The following PDE4D variants were observed in gnomAD, a reference collection of about 807,000 sequenced individuals.
PDE4D encodes 3',5'-cyclic-AMP phosphodiesterase 4D.
A neutral mutation model predicts 87.4 loss-of-function variants in PDE4D; 24 were observed. The ratio of observed to expected loss-of-function variants is 0.27; its 90% confidence interval spans 0.20 to 0.39. The LOEUF (loss-of-function observed/expected upper bound fraction) is 0.39. Ranked by LOEUF, PDE4D falls within the 10% of genes least tolerant of loss-of-function variation. PDE4D has a pLI of 1.00. For missense variants in PDE4D, 714 were observed against 1,041.0 expected (o/e 0.69, Z 4.32); for synonymous variants, 384 against 383.2 (o/e 1.00, Z -0.02).
chr5:60,452,752 GTGA>G (rs1337075907), intron 1 of PDE4D, among the ~76,000 whole-genome samples: 1 of 152,034 alleles, frequency 6.6e-6, no homozygotes, highest in African/African-American at 2.4e-5. Flanking sequence ...AGTATTCCAG[GTGA>G]TTAAACAGAT....
chr5:59,434,114 GT>G (rs1420867565), intron 1 of PDE4D, among the ~76,000 whole-genome samples: 177 of 22,804 alleles, frequency 7.8e-3, no homozygotes, highest in African/African-American at 0.03. Context: ...TCCTAAAGAA[GT>G]CTCATCTTTA....
chr5:60,057,550 A>G (rs1175492904), intron 2 of PDE4D, among the ~76,000 whole-genome samples: 1 of 151,924 alleles, frequency 6.6e-6, no homozygotes, highest in Non-Finnish European at 1.5e-5. Flanking sequence ...TGTCTTGCAC[A>G]TAGAAAACTG....
At chr5:60,045,879 G>GT (rs964556962) in intron 2 of PDE4D, among the ~76,000 whole-genome samples, 71 of 152,000 alleles carry the variant, frequency 4.7e-4, no homozygotes, top group East Asian at 2.9e-3. Context: ...CTTTAAAGTA[G>GT]TTTTTTTTCC....
chr5:59,464,422 G>A (rs1009871548), intron 1 of PDE4D, among the ~76,000 whole-genome samples: 2 of 152,218 alleles, frequency 1.3e-5, no homozygotes, highest in African/African-American at 4.8e-5. Context: ...GCATTGAGAT[G>A]TTTATGTGTA....
intron 1 of PDE4D, among the ~76,000 whole-genome samples, chr5:59,525,508 T>C (rs1246556502): frequency 6.6e-6 from 1 of 152,206 alleles, no homozygotes; most frequent in East Asian, 1.9e-4. Context: ...CTTGTCTCAG[T>C]CGAGACTTTG....
intron 3 of PDE4D, among the ~76,000 whole-genome samples, chr5:59,915,718 T>G (rs1753965060): frequency 6.6e-6 from 1 of 152,204 alleles, no homozygotes; most frequent in African/African-American, 2.4e-5. Flanking sequence ...TTGTATTACT[T>G]TTCCCTCTCA....
rs573038316 is a variant in PDE4D, at chr5:60,340,375, C to T, written c.-90+147567G>A. On this transcript the variant is annotated intron_variant, in intron 1 of 16. Coordinates refer to the PDE4D transcript ENST00000502484. ...TGTGGAGTGGATAGTCTTCTCATCC[C>T]ATTTAAACACAGAAATATTTAAAGA... 5.3e-5 allele frequency among the ~76,000 whole-genome samples: 8 copies of T among 152,062 alleles called. No individual in the cohort carries two copies. The East Asian group carries it at 1.4e-3, about 26-fold the overall frequency.
At chr5:60,492,047 G>T (rs1009297233), upstream of PDE4D, among the ~76,000 whole-genome samples, 2 of 151,372 alleles carry the variant, frequency 1.3e-5, no homozygotes, top group Non-Finnish European at 2.9e-5. Flanking sequence ...TGGGTGCAGC[G>T]CACCAGCATG....
At chr5:60,299,482 A>G (rs953628295) in intron 1 of PDE4D, among the ~76,000 whole-genome samples, 1 of 152,142 alleles carries the variant, frequency 6.6e-6, no homozygotes, top group Non-Finnish European at 1.5e-5. Context: ...GTTGCTGCAC[A>G]GATCATCCCA....
intron 1 of PDE4D, among the ~76,000 whole-genome samples, chr5:59,716,011 G>A (rs1754965887): frequency 6.6e-6 from 1 of 152,226 alleles, no homozygotes; most frequent in South Asian, 2.1e-4. Context: ...TCCCCAGAGT[G>A]TACGTATAAG....
chr5:59,260,892 C>T (rs1867711), intron 1 of PDE4D, among the ~76,000 whole-genome samples: 40,863 of 148,762 alleles, frequency 0.27, 6,029 homozygotes, highest in Admixed American at 0.37. Flanking sequence ...CGATTACTGG[C>T]TAAAGTTTAT....
intron 1 of PDE4D, chr5:59,217,990 T>A: frequency 2.0e-6 from 1 of 488,552 alleles, no homozygotes; most frequent in South Asian, 1.5e-5. Flanking sequence ...AATGACTAAC[T>A]CAGGCTGGGA....
intron 2 of PDE4D, among the ~76,000 whole-genome samples, chr5:60,146,330 G>A (rs866795402): frequency 9.2e-5 from 14 of 152,270 alleles, no homozygotes; most frequent in Middle Eastern, 3.4e-3. Context: ...TTTCTACATC[G>A]TGCAATATTT....
At chr5:60,474,913 T>C (rs1413679332) in intron 1 of PDE4D, among the ~76,000 whole-genome samples, 1 of 152,206 alleles carries the variant, frequency 6.6e-6, no homozygotes, top group Non-Finnish European at 1.5e-5. Flanking sequence ...AAAGGATGTG[T>C]GTGAAGCTGC....
chr5:60,193,076 T>C (rs766012757), intron 1 of PDE4D, among the ~76,000 whole-genome samples: 5 of 152,220 alleles, frequency 3.3e-5, no homozygotes, highest in African/African-American at 4.8e-5. Context: ...TTCCTGACTC[T>C]ACTATTTTCA....
At chr5:60,181,675 A>G (rs1718113687) in intron 2 of PDE4D, among the ~76,000 whole-genome samples, 1 of 152,238 alleles carries the variant, frequency 6.6e-6, no homozygotes. Context: ...TCAAACTGGT[A>G]GGAAGAAAAT....
At chr5:60,280,100 G>C (rs998996423) in intron 1 of PDE4D, among the ~76,000 whole-genome samples, 1 of 151,966 alleles carries the variant, frequency 6.6e-6, no homozygotes, top group Non-Finnish European at 1.5e-5. Context: ...AAAAAGGAGA[G>C]ATACTCTATT....
chr5:59,615,324 C>T lies in PDE4D; in HGVS notation c.455+277844G>A, dbSNP rs541286185. The stretch of plus-strand genomic sequence containing the variant: ...TTGAATTGGGAGTAGTCCTGGTACA[C>T]TATGACTTTCTGGTTCAGAGATAAA... On this transcript the variant is annotated intron_variant, in intron 1 of 14. Coordinates refer to ENST00000340635, the MANE Select transcript of PDE4D (RefSeq NM_001104631.2). Among the ~76,000 whole-genome samples the T allele has an allele frequency of 3.9e-5, 6 of 152,258 alleles. No homozygotes were observed. In the East Asian group the frequency reaches 7.7e-4, roughly 20 times the overall value.
chr5:59,851,866 A>G (rs1292052161), intron 1 of PDE4D, among the ~76,000 whole-genome samples: 2 of 152,042 alleles, frequency 1.3e-5, no homozygotes, highest in Non-Finnish European at 2.9e-5. Context: ...TGAGCTTGAA[A>G]GAGAACCCTC....
Sources: gnomAD v4.1 joint callset for allele counts (sites outside exome capture counted in the v4.1 genomes callset) on GRCh38, gnomAD v4.1.1 for gene constraint, MANE v1.5 for transcripts, NCBI Gene and HGNC (gene_info 2026-07-23, HGNC 2026-07-21) for gene names.